The following ZNF385B variants were observed in gnomAD, a reference collection of about 807,000 sequenced individuals.
ZNF385B encodes zinc finger protein 385B.
Under a neutral mutation model 39.2 loss-of-function variants are expected in ZNF385B, and 23 were observed. That is an observed-to-expected ratio of 0.59 (90% CI 0.42 to 0.83). ZNF385B has a LOEUF of 0.83. Among genes scored for constraint, ZNF385B ranks in the 40% least tolerant of loss-of-function variants. ZNF385B has a pLI of 0.00. For synonymous variants in ZNF385B, 205 were observed against 222.6 expected (o/e 0.92, Z 0.70); for missense variants, 552 against 598.9 (o/e 0.92, Z 0.82).
chr2:179,643,357 TCAAA>T lies in ZNF385B; in HGVS notation c.299-98392_299-98389del, dbSNP rs1343966613. Reference sequence around the variant, plus strand: ...ATGATCAATGCAAGAAATTACAGTATCAAACATAGTTAAAAGATCCATTCAAAAT... The same window carrying T: ...ATGATCAATGCAAGAAATTACAGTATCATAGTTAAAAGATCCATTCAAAAT... On this transcript the variant is annotated intron_variant, in intron 3 of 9. Coordinates refer to ENST00000410066, the MANE Select transcript of ZNF385B (RefSeq NM_152520.6). Among the ~76,000 whole-genome samples the T allele has an allele frequency of 3.9e-5, 6 of 152,254 alleles. No homozygotes were observed. The East Asian group carries it at 5.8e-4, about 15-fold the overall frequency.
intron 3 of ZNF385B, among the ~76,000 whole-genome samples, chr2:179,721,437 A>G (rs1700692786): frequency 6.6e-6 from 1 of 152,150 alleles, no homozygotes; most frequent in African/African-American, 2.4e-5. Flanking sequence ...ATTTTCATCC[A>G]AAGAATGAAA....
chr2:179,789,076 C>T (rs1441714798), intron 1 of ZNF385B, among the ~76,000 whole-genome samples: 1 of 152,022 alleles, frequency 6.6e-6, no homozygotes, highest in African/African-American at 2.4e-5. Flanking sequence ...TCTAATGTTA[C>T]ATTTGATGAC....
intron 6 of ZNF385B, among the ~76,000 whole-genome samples, chr2:179,463,450 C>T (rs2051594582): frequency 6.6e-6 from 1 of 152,038 alleles, no homozygotes; most frequent in African/African-American, 2.4e-5. Context: ...GTTTGCTGCA[C>T]CCATCAACTC....
At chr2:179,803,687 A>G (rs1706174179) in intron 1 of ZNF385B, among the ~76,000 whole-genome samples, 1 of 152,148 alleles carries the variant, frequency 6.6e-6, no homozygotes. Context: ...TATCAGTAGC[A>G]TTTACTGAGT....
At chr2:179,611,038 C>G (rs1001815617) in intron 3 of ZNF385B, among the ~76,000 whole-genome samples, 2 of 151,986 alleles carry the variant, frequency 1.3e-5, no homozygotes, top group African/African-American at 2.4e-5. Context: ...TTCTTTTATT[C>G]TCTTGTCTGA....
At chr2:179,612,972 T>A (rs1689417092) in intron 3 of ZNF385B, among the ~76,000 whole-genome samples, 3 of 152,222 alleles carry the variant, frequency 2.0e-5, no homozygotes, top group Non-Finnish European at 4.4e-5. Context: ...CCATTCTTCC[T>A]TTCCCTTCGC....
chr2:179,557,818 T>C (rs1515298), intron 3 of ZNF385B, among the ~76,000 whole-genome samples: 105,251 of 151,768 alleles, frequency 0.69, 36,901 homozygotes, highest in East Asian at 0.95. Context: ...ATGATCCTGT[T>C]GCCCAAGTAA....
intron 5 of ZNF385B, among the ~76,000 whole-genome samples, chr2:179,505,139 C>T (rs578041432): frequency 2.7e-4 from 41 of 152,074 alleles, no homozygotes; most frequent in African/African-American, 9.2e-4. Flanking sequence ...GAGAGGATGA[C>T]GAAATTGTTC....
At chr2:179,626,075 G>A (rs1474186440) in intron 3 of ZNF385B, among the ~76,000 whole-genome samples, 2 of 152,042 alleles carry the variant, frequency 1.3e-5, no homozygotes, top group Non-Finnish European at 2.9e-5. Context: ...GTTTTAACAT[G>A]CCTCAGAAGT....
chr2:179,627,156 G>T (rs1021394384), intron 3 of ZNF385B, among the ~76,000 whole-genome samples: 1 of 152,112 alleles, frequency 6.6e-6, no homozygotes, highest in Non-Finnish European at 1.5e-5. Context: ...AGCTTGGTGA[G>T]TTTCTGGCAG....
chr2:179,772,878 T>C (rs988530003), intron 1 of ZNF385B, among the ~76,000 whole-genome samples: 2 of 152,208 alleles, frequency 1.3e-5, no homozygotes, highest in African/African-American at 4.8e-5. Context: ...TCAGGACAAC[T>C]GAACCAAAAA....
chr2:179,475,757 G>A (rs757385285), intron 6 of ZNF385B, among the ~76,000 whole-genome samples: 54 of 306 alleles, frequency 0.18, 1 homozygote, highest in Non-Finnish European at 0.28. Context: ...GAAACATGTC[G>A]AAAGTCTAAA....
intron 3 of ZNF385B, among the ~76,000 whole-genome samples, chr2:179,742,581 C>A (rs1702146298): frequency 6.6e-6 from 1 of 151,786 alleles, no homozygotes; most frequent in Non-Finnish European, 1.5e-5. Flanking sequence ...ACTTGAAGTT[C>A]CTAGTTCATT....
At chr2:179,646,641 G>A (rs559032088) in intron 3 of ZNF385B, among the ~76,000 whole-genome samples, 3 of 143,588 alleles carry the variant, frequency 2.1e-5, no homozygotes, top group African/African-American at 6.0e-5. Flanking sequence ...CTGAGCCTAC[G>A]GGCTTGGCAC....
chr2:179,543,549 A>C (rs1438361380), intron 4 of ZNF385B, among the ~76,000 whole-genome samples: 3 of 152,210 alleles, frequency 2.0e-5, no homozygotes, highest in African/African-American at 7.2e-5. Context: ...GCATTCTTTG[A>C]AATGGCGTAA....
chr2:179,576,115 C>T, intron 3 of ZNF385B: 1 of 984,858 alleles, frequency 1.0e-6, no homozygotes, highest in Non-Finnish European at 1.2e-6. Flanking sequence ...CCAGGTCTTA[C>T]ATGTGTAACC....
intron 3 of ZNF385B, chr2:179,745,706 C>T (rs568721332): frequency 4.1e-5 from 63 of 1,539,742 alleles, no homozygotes; most frequent in South Asian, 2.1e-4. Flanking sequence ...AGAATAAAAA[C>T]GCTCACCTCT....
rs939315603 is a variant in ZNF385B, at chr2:179,670,416, C to T, written c.298+99087G>A. 4.0e-5 allele frequency among the ~76,000 whole-genome samples: 6 copies of T among 151,694 alleles called. No homozygotes were observed. The East Asian group carries it at 1.2e-3, about 29-fold the overall frequency. On this transcript the variant is annotated intron_variant, in intron 3 of 9. Coordinates refer to ENST00000410066, the MANE Select transcript of ZNF385B (RefSeq NM_152520.6). ...TACAGTAGCATGCTACTCTCTAGTACTTCCACCATACAGATGTAACAGTCA... is the reference window on the plus strand; with the variant it reads ...TACAGTAGCATGCTACTCTCTAGTATTTCCACCATACAGATGTAACAGTCA...
intron 3 of ZNF385B, among the ~76,000 whole-genome samples, chr2:179,626,212 T>C (rs542946929): frequency 6.6e-6 from 1 of 152,300 alleles, no homozygotes; most frequent in Non-Finnish European, 1.5e-5. Context: ...TCCATTTTCT[T>C]TCTTAAAACA....
Sources: allele counts gnomAD v4.1 joint callset (sites outside exome capture counted in the v4.1 genomes callset), GRCh38; gene constraint gnomAD v4.1.1; transcripts MANE v1.5; gene names NCBI Gene and HGNC (gene_info 2026-07-23, HGNC 2026-07-21).